Variants in IQCM observed in about 807,000 individuals in gnomAD.
The protein encoded by IQCM is IQ motif containing M.
IQCM carries 45 observed loss-of-function variants against 57.6 expected under a neutral mutation model. The ratio of observed to expected loss-of-function variants is 0.78; its 90% CI spans 0.62 to 1.00. IQCM has a LOEUF of 1.00. Among genes scored for constraint, IQCM ranks in the 50% least tolerant of loss-of-function variants. The pLI is 0.00. For missense variants in IQCM, 468 were observed against 511.6 expected (o/e 0.91, Z 0.82); for synonymous variants, 148 against 158.9 (o/e 0.93, Z 0.51).
intron 12 of IQCM, among the ~76,000 whole-genome samples, chr4:149,475,418 A>G (rs1740075701): frequency 1.3e-5 from 2 of 152,214 alleles, no homozygotes; most frequent in African/African-American, 4.8e-5. Flanking sequence ...CAGAGAATCT[A>G]TTAGACCTCC....
At chr4:149,803,186 T>C (rs1195366773) in intron 2 of IQCM, among the ~76,000 whole-genome samples, 5 of 151,952 alleles carry the variant, frequency 3.3e-5, no homozygotes, top group Non-Finnish European at 5.9e-5. Context: ...TTCTGAGACA[T>C]AGATCGTGTT....
chr4:149,653,789 C>T (rs1357777985), intron 7 of IQCM, among the ~76,000 whole-genome samples: 1 of 152,060 alleles, frequency 6.6e-6, no homozygotes, highest in Non-Finnish European at 1.5e-5. Flanking sequence ...AATTCCACAG[C>T]ATGCTAAGCA....
At chr4:149,710,283 G>A (rs1054321614) in intron 5 of IQCM, among the ~76,000 whole-genome samples, 5 of 152,200 alleles carry the variant, frequency 3.3e-5, no homozygotes, top group East Asian at 3.9e-4. Flanking sequence ...TAAAAGCCAG[G>A]CAAAGAAATG....
chr4:149,394,371 A>C (rs1028784293), intron 13 of IQCM, among the ~76,000 whole-genome samples: 1 of 151,894 alleles, frequency 6.6e-6, no homozygotes, highest in Non-Finnish European at 1.5e-5. Flanking sequence ...TTTGTTCCCA[A>C]TTTTTAAAAA....
intron 10 of IQCM, among the ~76,000 whole-genome samples, chr4:149,556,909 A>C (rs1749640127): frequency 6.6e-6 from 1 of 152,158 alleles, no homozygotes; most frequent in African/African-American, 2.4e-5. Context: ...TGAGTCAAAG[A>C]GATTATTATT....
chr4:149,377,284 A>G (rs1373176941), intron 13 of IQCM, among the ~76,000 whole-genome samples: 2 of 152,214 alleles, frequency 1.3e-5, no homozygotes, highest in Non-Finnish European at 2.9e-5. Context: ...GGAATTTTCA[A>G]TTCAAGACAT....
chr4:149,815,378 T>C (rs980908534), intron 1 of IQCM, 30 bp from the exon 2 acceptor site: 1 of 151,906 alleles, frequency 6.6e-6, no homozygotes, highest in African/African-American at 2.4e-5. Flanking sequence ...TCATTGAAAA[T>C]ATGCTCACAG....
chr4:149,374,012 T>TA (rs1221593510), intron 13 of IQCM, among the ~76,000 whole-genome samples: 2 of 152,186 alleles, frequency 1.3e-5, no homozygotes, highest in African/African-American at 2.4e-5. Context: ...GAAAGGCTGT[T>TA]ATCTAGAACA....
At chr4:149,372,027 C>T (rs1382416426) in intron 13 of IQCM, among the ~76,000 whole-genome samples, 4 of 152,170 alleles carry the variant, frequency 2.6e-5, no homozygotes, top group African/African-American at 7.2e-5. Flanking sequence ...CTTCCAACAA[C>T]TTTCTGATAA....
At chr4:149,624,009 T>C (rs1282895817) in intron 7 of IQCM, among the ~76,000 whole-genome samples, 1 of 152,208 alleles carries the variant, frequency 6.6e-6, no homozygotes, top group Non-Finnish European at 1.5e-5. Flanking sequence ...GTTTCTTCAA[T>C]ATTTTAGACT....
chr4:149,457,691 A>T (rs1737845217), intron 12 of IQCM, among the ~76,000 whole-genome samples: 1 of 152,042 alleles, frequency 6.6e-6, no homozygotes, highest in African/African-American at 2.4e-5. Flanking sequence ...TGAAAAAGAG[A>T]CTGGAACAAA....
chr4:149,712,060 G>T (rs915472491), intron 5 of IQCM, among the ~76,000 whole-genome samples: 1 of 152,092 alleles, frequency 6.6e-6, no homozygotes, highest in Non-Finnish European at 1.5e-5. Flanking sequence ...TTGTTCCCCT[G>T]GTTCTTAGGC....
At chr4:149,519,491 G>A (rs755549096) in intron 12 of IQCM, among the ~76,000 whole-genome samples, 3 of 151,834 alleles carry the variant, frequency 2.0e-5, no homozygotes, top group Admixed American at 2.0e-4. Context: ...GCGTGGTGGC[G>A]GGCGCCTGTA....
At chr4:149,800,995 G>A (rs1289561991) in intron 2 of IQCM, among the ~76,000 whole-genome samples, 1 of 151,772 alleles carries the variant, frequency 6.6e-6, no homozygotes, top group African/African-American at 2.4e-5. Flanking sequence ...AAATTGATAT[G>A]GAATCACAAA....
intron 12 of IQCM, among the ~76,000 whole-genome samples, chr4:149,473,042 C>A (rs1298384362): frequency 1.3e-5 from 2 of 152,148 alleles, no homozygotes; most frequent in Non-Finnish European, 2.9e-5. Context: ...CTACGCAATA[C>A]CATTCAGCAC....
chr4:149,709,015 C>G (rs1281889991), intron 5 of IQCM, among the ~76,000 whole-genome samples: 1 of 152,016 alleles, frequency 6.6e-6, no homozygotes, highest in African/African-American at 2.4e-5. Context: ...GAGGATAGAA[C>G]CTGGCCCCAA....
chr4:149,716,559 T>A (rs2149843319), intron 5 of IQCM, among the ~76,000 whole-genome samples: 1 of 152,282 alleles, frequency 6.6e-6, no homozygotes, highest in East Asian at 1.9e-4. Context: ...GGCTCACACC[T>A]GTTTTCTGTT....
chr4:149,399,802 C>T (rs1219606218), intron 13 of IQCM, among the ~76,000 whole-genome samples: 2 of 152,038 alleles, frequency 1.3e-5, no homozygotes, highest in East Asian at 3.9e-4. Flanking sequence ...CATGGGGTTA[C>T]TTATAAATTA....
chr4:149,530,219 A>G (rs2149849250), intron 12 of IQCM, among the ~76,000 whole-genome samples: 1 of 152,268 alleles, frequency 6.6e-6, no homozygotes, highest in East Asian at 1.9e-4. Context: ...TTTGACATAT[A>G]AATATATATG....
Sources: allele counts gnomAD v4.1 joint callset (sites outside exome capture counted in the v4.1 genomes callset), GRCh38; gene constraint gnomAD v4.1.1; transcripts MANE v1.5; gene names NCBI Gene and HGNC (gene_info 2026-07-23, HGNC 2026-07-21).